SLC9A9: variants seen among roughly 807,000 people sequenced by gnomAD.
SLC9A9 encodes the protein solute carrier family 9 member A9.
In SLC9A9, 62 loss-of-function variants were observed where a neutral mutation model predicts 77.8. That is an observed-to-expected ratio of 0.80 (90% CI 0.65 to 0.98). The LOEUF (loss-of-function observed/expected upper bound fraction) is 0.98, where lower values mean the gene tolerates loss of function less well. Ranked by LOEUF, SLC9A9 falls within the 50% of genes least tolerant of loss-of-function variation. The probability of loss-of-function intolerance (pLI) is 0.00; values close to 1 mark genes in which losing one functional copy is unlikely to be tolerated. For synonymous variants in SLC9A9, 320 were observed against 283.5 expected (o/e 1.13, Z -1.29); for missense variants, 775 against 774.9 (o/e 1.00, Z 0.00).
At chr3:143,672,660 A>G (rs778517547) in intron 5 of SLC9A9, among the ~76,000 whole-genome samples, 49 of 152,314 alleles carry the variant, frequency 3.2e-4, no homozygotes, top group African/African-American at 9.4e-4. Context: ...TTAATCAGCC[A>G]TCTTCCTCAA....
intron 4 of SLC9A9, among the ~76,000 whole-genome samples, chr3:143,723,899 T>C (rs1209000788): frequency 1.3e-5 from 2 of 152,186 alleles, no homozygotes; most frequent in African/African-American, 4.8e-5. Flanking sequence ...TGATTCGAAT[T>C]TGAGAATTTA....
chr3:143,737,374 T>C (rs1436556456), intron 4 of SLC9A9, among the ~76,000 whole-genome samples: 1 of 152,108 alleles, frequency 6.6e-6, no homozygotes, highest in East Asian at 1.9e-4. Flanking sequence ...ATTTTTATTT[T>C]TGGAAGACAG....
At position 143,434,808 on chromosome 3, in the gene SLC9A9, C is replaced by G. The variant is rs1249873833; in HGVS notation, c.1469+32229G>C. Among the ~76,000 whole-genome samples, 3 of 152,168 alleles carry G rather than the reference C, an allele frequency of 2.0e-5. No individual in the cohort carries two copies. The East Asian group carries it at 5.8e-4, about 29-fold the overall frequency. On this transcript the variant is annotated intron_variant, in intron 12 of 15. Transcript: ENST00000316549. ...GAACTAAATCCCTCAGCCTAGTCCC[C>G]ATCGTCCTCCATTACCTCTCCACAT... is the stretch of plus-strand genomic sequence containing the variant.
At position 143,821,364 on chromosome 3, in the gene SLC9A9, T is replaced by A. The variant is rs191429604; in HGVS notation, c.378+10655A>T. Among the ~76,000 whole-genome samples, 38 of 152,324 alleles carry A rather than the reference T, an allele frequency of 2.5e-4. No homozygotes were observed. The East Asian group carries it at 6.9e-3, about 28-fold the overall frequency. On this transcript the variant is annotated intron_variant, in intron 2 of 15. Coordinates refer to ENST00000316549, the MANE Select transcript of SLC9A9 (RefSeq NM_173653.4). ...TAGTTCTGAAAGTAACTCTCTAAAA[T>A]ATGCTCAGAGAAATTAACCCACCAA...
At chr3:143,673,166 T>C (rs983757032) in intron 5 of SLC9A9, among the ~76,000 whole-genome samples, 12 of 152,202 alleles carry the variant, frequency 7.9e-5, no homozygotes, top group African/African-American at 2.9e-4. Flanking sequence ...CCTCAAAGTG[T>C]TAATAATAGA....
chr3:143,515,589 T>A (rs1326588797), intron 9 of SLC9A9, among the ~76,000 whole-genome samples: 1 of 152,256 alleles, frequency 6.6e-6, no homozygotes, highest in Non-Finnish European at 1.5e-5. Flanking sequence ...TTTTATACCT[T>A]GCCAAACATT....
intron 14 of SLC9A9, among the ~76,000 whole-genome samples, chr3:143,349,774 A>C (rs2032399381): frequency 6.6e-6 from 1 of 152,238 alleles, no homozygotes; most frequent in Non-Finnish European, 1.5e-5. Flanking sequence ...GGTTAACTTA[A>C]GTGAAGTCTA....
chr3:143,395,532 G>T (rs1236035164), intron 12 of SLC9A9, among the ~76,000 whole-genome samples: 6 of 152,152 alleles, frequency 3.9e-5, no homozygotes, highest in African/African-American at 1.2e-4. Flanking sequence ...CAGAACACAG[G>T]CATGGGCAAG....
chr3:143,288,318 A>G (rs1938438267), intron 14 of SLC9A9, among the ~76,000 whole-genome samples: 1 of 152,242 alleles, frequency 6.6e-6, no homozygotes, highest in African/African-American at 2.4e-5. Flanking sequence ...CCAAATGCCC[A>G]TAGGTTTCTT....
intron 12 of SLC9A9, among the ~76,000 whole-genome samples, chr3:143,450,238 A>G (rs1014419572): frequency 1.4e-4 from 20 of 141,586 alleles, no homozygotes; most frequent in South Asian, 4.3e-4. Flanking sequence ...TATAAATTAC[A>G]TATAATTTAT....
At chr3:143,424,962 T>A (rs992413880) in intron 12 of SLC9A9, among the ~76,000 whole-genome samples, 1 of 152,212 alleles carries the variant, frequency 6.6e-6, no homozygotes, top group African/African-American at 2.4e-5. Context: ...CTTAATAGCA[T>A]GAGTTCTATA....
intron 12 of SLC9A9, among the ~76,000 whole-genome samples, chr3:143,430,270 C>T (rs915295696): frequency 6.6e-6 from 1 of 152,172 alleles, no homozygotes; most frequent in Non-Finnish European, 1.5e-5. Context: ...TAATGCACAG[C>T]CACAAGTTCT....
At chr3:143,284,299 A>G (rs1938314427) in intron 14 of SLC9A9, among the ~76,000 whole-genome samples, 1 of 152,138 alleles carries the variant, frequency 6.6e-6, no homozygotes, top group African/African-American at 2.4e-5. Flanking sequence ...CCAAATGATA[A>G]TTGTTCTTTT....
intron 6 of SLC9A9, among the ~76,000 whole-genome samples, chr3:143,634,033 G>A (rs1345925857): frequency 6.6e-6 from 1 of 152,166 alleles, no homozygotes; most frequent in Admixed American, 6.5e-5. Flanking sequence ...AACATGTGCT[G>A]CCTTTCCATC....
intron 11 of SLC9A9, among the ~76,000 whole-genome samples, chr3:143,471,585 G>T (rs539799166): frequency 1.3e-5 from 2 of 152,196 alleles, no homozygotes; most frequent in South Asian, 4.1e-4. Flanking sequence ...AAGAAATCTA[G>T]AACTTGTCAA....
At chr3:143,432,853 C>T (rs1007645092) in intron 12 of SLC9A9, among the ~76,000 whole-genome samples, 3 of 152,184 alleles carry the variant, frequency 2.0e-5, no homozygotes, top group African/African-American at 7.2e-5. Context: ...GTCTTGATCT[C>T]CTGACCTCAT....
At chr3:143,438,430 G>C (rs2034666106) in intron 12 of SLC9A9, among the ~76,000 whole-genome samples, 1 of 152,100 alleles carries the variant, frequency 6.6e-6, no homozygotes, top group Non-Finnish European at 1.5e-5. Flanking sequence ...TGGCGTGTGT[G>C]TGTGTGTTTG....
intron 8 of SLC9A9, among the ~76,000 whole-genome samples, chr3:143,555,512 C>G (rs1165557351): frequency 6.6e-6 from 1 of 152,162 alleles, no homozygotes; most frequent in Non-Finnish European, 1.5e-5. Context: ...TTCTATTGAA[C>G]AAGTAAGACA....
chr3:143,466,999 C>T, intron 12 of SLC9A9, 38 bp downstream of exon 12: 1 of 1,605,376 alleles, frequency 6.2e-7, no homozygotes, highest in African/African-American at 1.3e-5. Flanking sequence ...CGCAGCCATG[C>T]CTCATAATGA....
Sources: allele counts gnomAD v4.1 joint callset (sites outside exome capture counted in the v4.1 genomes callset), GRCh38; gene constraint gnomAD v4.1.1; transcripts MANE v1.5; gene names NCBI Gene and HGNC (gene_info 2026-07-23, HGNC 2026-07-21).